Variants in CATSPERE observed in about 807,000 individuals in gnomAD.
The protein encoded by CATSPERE is catsper channel auxiliary subunit epsilon.
In CATSPERE, 93 loss-of-function variants were observed where a neutral mutation model predicts 114.1. The observed-to-expected ratio is 0.81, with a 90% CI of 0.69 to 0.97. CATSPERE has a LOEUF of 0.97. Among genes scored for constraint, CATSPERE ranks in the 50% least tolerant of loss-of-function variants. The pLI, the probability that CATSPERE is intolerant of heterozygous loss-of-function variation, is 0.00. For missense variants in CATSPERE, 1,058 were observed against 1,131.6 expected, an observed-to-expected ratio of 0.93 and a Z score of 0.93; for synonymous variants, 341 against 384.1, an observed-to-expected ratio of 0.89 and a Z score of 1.31.
intron 14 of CATSPERE, 93 bp downstream of exon 14, chr1:244,588,627 CT>C: frequency 1.1e-6 from 1 of 936,332 alleles, no homozygotes; most frequent in South Asian, 1.4e-5. Context: ...AGCCTAATGA[CT>C]GACACATCCA....
intron 6 of CATSPERE, among the ~76,000 whole-genome samples, chr1:244,492,890 G>T (rs1331268798): frequency 1.3e-5 from 2 of 149,352 alleles, no homozygotes; most frequent in African/African-American, 2.5e-5. Flanking sequence ...ACTTACAAGG[G>T]ATGTGAAGGA....
At chr1:244,634,353 C>G (rs1247812984) in intron 20 of CATSPERE, among the ~76,000 whole-genome samples, 1 of 152,060 alleles carries the variant, frequency 6.6e-6, no homozygotes, top group Admixed American at 6.6e-5. Flanking sequence ...GTCGATAATA[C>G]CTGTCTTACA....
At chr1:244,557,780 TC>T (rs1661883878) in intron 9 of CATSPERE, among the ~76,000 whole-genome samples, 1 of 151,462 alleles carries the variant, frequency 6.6e-6, no homozygotes, top group Non-Finnish European at 1.5e-5. Flanking sequence ...ATTTTCTTTT[TC>T]CTTTCCTACT....
At chr1:244,628,021 T>C (rs1369102616) in intron 20 of CATSPERE, among the ~76,000 whole-genome samples, 1 of 152,238 alleles carries the variant, frequency 6.6e-6, no homozygotes, top group East Asian at 1.9e-4. Flanking sequence ...TCAGATCCAT[T>C]GTAGCGTTAA....
At chr1:244,584,540 A>ATATTATATTGTATTATAT (rs548449574) in intron 13 of CATSPERE, among the ~76,000 whole-genome samples, 1 of 118,858 alleles carries the variant, frequency 8.4e-6, no homozygotes, top group African/African-American at 3.1e-5. Context: ...TTACTATATT[A>ATATTATATTGTATTATAT]TATATTATAT....
At chr1:244,498,635 C>T (rs573372242) in intron 6 of CATSPERE, among the ~76,000 whole-genome samples, 7 of 152,216 alleles carry the variant, frequency 4.6e-5, no homozygotes, top group African/African-American at 1.4e-4. Context: ...TGGTGGCTCA[C>T]GCCTGTAATC....
chr1:244,478,080 G>A (rs1669651355), intron 4 of CATSPERE, 105 bp downstream of exon 4: 1 of 774,224 alleles, frequency 1.3e-6, no homozygotes, highest in East Asian at 2.8e-5. Context: ...AATTTAACCT[G>A]TTTTAAATAG....
intron 6 of CATSPERE, among the ~76,000 whole-genome samples, chr1:244,491,048 T>A (rs1188492608): frequency 6.6e-6 from 1 of 151,858 alleles, no homozygotes; most frequent in African/African-American, 2.4e-5. Context: ...AGACAGAAAG[T>A]TAACAAGGAT....
intron 17 of CATSPERE, among the ~76,000 whole-genome samples, chr1:244,602,927 A>C (rs1340239274): frequency 6.6e-6 from 1 of 152,168 alleles, no homozygotes; most frequent in Non-Finnish European, 1.5e-5. Flanking sequence ...TGGAAACATC[A>C]GGGTCAGTCA....
chr1:244,579,767 C>T (rs1263511825), intron 11 of CATSPERE, among the ~76,000 whole-genome samples: 1 of 152,184 alleles, frequency 6.6e-6, no homozygotes, highest in Non-Finnish European at 1.5e-5. Flanking sequence ...TACCAAATGA[C>T]ACTGAACAAG....
chr1:244,541,746 T>G (rs1658786120), intron 8 of CATSPERE, among the ~76,000 whole-genome samples: 1 of 146,028 alleles, frequency 6.8e-6, no homozygotes, highest in African/African-American at 2.6e-5. Context: ...AGCAAAGACT[T>G]GGAACCAACC....
intron 8 of CATSPERE, among the ~76,000 whole-genome samples, chr1:244,535,903 A>G (rs547435867): frequency 6.6e-6 from 1 of 152,096 alleles, no homozygotes; most frequent in African/African-American, 2.4e-5. Flanking sequence ...GGCACATCTC[A>G]GAGTCTCATC....
rs940285917 is a variant in CATSPERE at position 244,555,508 on chromosome 1, C to T, written c.1029+2694C>T. Among the ~76,000 whole-genome samples the T allele has an allele frequency of 2.6e-5, 4 of 152,184 alleles. No homozygotes were observed. In the East Asian group the frequency reaches 7.7e-4, roughly 29 times the overall value. ...ATAAGTTTAAAGTTTAAAGCCTTTC[C>T]TGTAAGAACTGAAACAAGACAAGGA... On this transcript the variant is annotated intron_variant, in intron 9 of 21. Transcript: ENST00000366534.
chr1:244,574,229 A>G (rs1257580727), intron 11 of CATSPERE, among the ~76,000 whole-genome samples: 2 of 152,202 alleles, frequency 1.3e-5, no homozygotes, highest in Non-Finnish European at 2.9e-5. Context: ...CCTAAATAAT[A>G]AAGGGGCATA....
intron 5 of CATSPERE, among the ~76,000 whole-genome samples, chr1:244,489,398 T>C (rs183200071): frequency 4.0e-5 from 6 of 149,978 alleles, no homozygotes; most frequent in Admixed American, 4.0e-4. Flanking sequence ...TTAAAGAAGA[T>C]TAATCATGAA....
At chr1:244,572,007 C>A (rs890743164) in intron 10 of CATSPERE, among the ~76,000 whole-genome samples, 1 of 152,202 alleles carries the variant, frequency 6.6e-6, no homozygotes, top group Non-Finnish European at 1.5e-5. Flanking sequence ...ATTCAATCCA[C>A]AACACAATGC....
At position 244,568,906 on chromosome 1, in the gene CATSPERE, A is replaced by G. The variant is rs1212084262; in HGVS notation, c.1508-3424A>G. Among the ~76,000 whole-genome samples, 4 of 152,160 alleles carry G rather than the reference A, an allele frequency of 2.6e-5. No individual in the cohort carries two copies. Among genetic ancestry groups the G allele is most frequent in the Non-Finnish European group, 5.9e-5 (4 of 68,034 alleles). On this transcript the variant is annotated intron_variant, in intron 10 of 21. Transcript: ENST00000366534. This position sits in a 1 kb window ranked among gnomAD's most constrained non-coding sequence, Gnocchi z 4.4. ...CTGGGGTATGAAAAAAAACAAAAAC[A>G]AAAACAAAGACAAAAAACTCCTGCA...
Position 244,593,506 on chromosome 1 carries a change from G to A in CATSPERE, c.2231G>A (p.Arg744Lys), listed in dbSNP as rs1180960432. Residue 744 changes from arginine (R) to lysine (K), a missense_variant, in exon 17 of 22, where the codon AGG becomes AAG. Around this residue, in one of 2 missense-constraint regions of CATSPERE, gnomAD observed 787 missense variants for 905.6 expected, o/e 0.87. Transcript: ENST00000366534. ...GTAGTTTTCCTTTTCTAGAGAGTAA[G>A]GTATATTTGGGGAGAATATGGCTGC... Reference protein sequence around the residue: ...RHQPSKNLRVRYIWGEYGCPL... With the variant: ...RHQPSKNLRVKYIWGEYGCPL... 1 of 1,613,904 alleles carries A rather than the reference G, an allele frequency of 6.2e-7. No individual in the cohort carries two copies. Among genetic ancestry groups the A allele is most frequent in the Admixed American group, 1.7e-5 (1 of 60,014 alleles).
chr1:244,616,753 C>T (rs558360812), intron 19 of CATSPERE, among the ~76,000 whole-genome samples: 19 of 152,326 alleles, frequency 1.2e-4, no homozygotes, highest in African/African-American at 4.6e-4. Flanking sequence ...AAGTTTCCAA[C>T]ACATGAACTT....
Sources: allele counts gnomAD v4.1 joint callset (sites outside exome capture counted in the v4.1 genomes callset), GRCh38; gene constraint gnomAD v4.1.1; regional missense constraint gnomAD v4.1.1; non-coding constraint Gnocchi (gnomAD v3.1); transcripts MANE v1.5; gene names NCBI Gene and HGNC (gene_info 2026-07-23, HGNC 2026-07-21).